Variants in LINGO2 observed in about 807,000 individuals in gnomAD.
LINGO2 encodes leucine-rich repeat and immunoglobulin-like domain-containing nogo receptor-interacting protein 2.
Under a neutral mutation model 30.6 loss-of-function variants are expected in LINGO2, and 14 were observed. The ratio of observed to expected loss-of-function variants is 0.46; its 90% confidence interval spans 0.30 to 0.72. The LOEUF (loss-of-function observed/expected upper bound fraction) is 0.72. Ranked by LOEUF, LINGO2 falls within the 30% of genes least tolerant of loss-of-function variation. The pLI, the probability that LINGO2 is intolerant of heterozygous loss-of-function variation, is 0.07. For missense variants in LINGO2, 729 were observed against 751.7 expected, an observed-to-expected ratio of 0.97 and a Z score of 0.35; for synonymous variants, 317 against 288.5, an observed-to-expected ratio of 1.10 and a Z score of -1.00.
At chr9:28,991,964 G>T in the LINGO2 span, among the ~76,000 whole-genome samples, 1 of 151,936 alleles carries the variant, frequency 6.6e-6, no homozygotes, top group Non-Finnish European at 1.5e-5. Context: ...CAACTAACGA[G>T]CAAAATAACC....
chr9:27,962,023 G>A (rs1819872728), intron 5 of LINGO2, among the ~76,000 whole-genome samples: 1 of 152,152 alleles, frequency 6.6e-6, no homozygotes, highest in South Asian at 2.1e-4. Flanking sequence ...TGCCTGGGCA[G>A]ATTAATGACT....
intron 4 of LINGO2, among the ~76,000 whole-genome samples, chr9:28,202,124 A>G (rs1383506576): frequency 3.3e-5 from 5 of 152,114 alleles, no homozygotes; most frequent in Admixed American, 1.3e-4. Flanking sequence ...CCTTTTTATA[A>G]GAACACCAGT....
At chr9:28,097,096 A>T (rs539896353) in intron 4 of LINGO2, among the ~76,000 whole-genome samples, 1 of 152,276 alleles carries the variant, frequency 6.6e-6, no homozygotes, top group South Asian at 2.1e-4. Flanking sequence ...GCTCACCATC[A>T]CTGGCCATCA....
chr9:28,566,703 G>A (rs1052076527), intron 1 of LINGO2, among the ~76,000 whole-genome samples: 1 of 152,158 alleles, frequency 6.6e-6, no homozygotes, highest in Admixed American at 6.5e-5. Flanking sequence ...AATGAAAGTA[G>A]TTTGTAACAA....
chr9:28,899,102 T>C, the LINGO2 span, among the ~76,000 whole-genome samples: 1 of 152,172 alleles, frequency 6.6e-6, no homozygotes, highest in Non-Finnish European at 1.5e-5. Flanking sequence ...AGTTAAGAGA[T>C]TATAGCATCT....
chr9:28,422,653 T>C (rs1196237840), intron 2 of LINGO2, among the ~76,000 whole-genome samples: 4 of 152,086 alleles, frequency 2.6e-5, no homozygotes, highest in African/African-American at 9.7e-5. Context: ...CCACGTGATC[T>C]AGCAATTCTA....
chr9:28,633,369 C>T (rs920037126), intron 1 of LINGO2, among the ~76,000 whole-genome samples: 8 of 151,866 alleles, frequency 5.3e-5, no homozygotes, highest in Non-Finnish European at 7.4e-5. Context: ...AAGGTGAAAC[C>T]GAGATGCAAG....
intron 4 of LINGO2, among the ~76,000 whole-genome samples, chr9:28,184,155 GAGGGTAAAATAGA>G (rs1170141118): frequency 9.9e-5 from 15 of 152,156 alleles, no homozygotes; most frequent in African/African-American, 2.7e-4. Flanking sequence ...AGGAACACAG[GAGGGTAAAATAGA>G]AGGGGAGGTC....
At chr9:29,189,798 T>C in the LINGO2 span, among the ~76,000 whole-genome samples, 1 of 151,920 alleles carries the variant, frequency 6.6e-6, no homozygotes, top group South Asian at 2.1e-4. Context: ...TCACTCGCGG[T>C]TAGGAGCTGG....
chr9:28,994,935 G>T, the LINGO2 span, among the ~76,000 whole-genome samples: 1 of 151,970 alleles, frequency 6.6e-6, no homozygotes, highest in Non-Finnish European at 1.5e-5. Context: ...AACCTAGACA[G>T]TACCATTCAG....
chr9:28,733,293 G>T, the LINGO2 span, among the ~76,000 whole-genome samples: 964 of 152,026 alleles, frequency 6.3e-3, 24 homozygotes, highest in East Asian at 0.037. Flanking sequence ...TTATCTGGGA[G>T]AAAAAGGTCA....
At chr9:28,033,125 T>C (rs1823763464) in intron 4 of LINGO2, among the ~76,000 whole-genome samples, 1 of 152,226 alleles carries the variant, frequency 6.6e-6, no homozygotes, top group Non-Finnish European at 1.5e-5. Flanking sequence ...TCCCTTTACT[T>C]ACGTTGTTAG....
At chr9:29,092,059 C>G in the LINGO2 span, among the ~76,000 whole-genome samples, 3 of 151,958 alleles carry the variant, frequency 2.0e-5, no homozygotes, top group African/African-American at 7.2e-5. Context: ...TAATGATGAT[C>G]ATACAGATGT....
intron 4 of LINGO2, among the ~76,000 whole-genome samples, chr9:28,216,557 A>T (rs1280602058): frequency 1.3e-5 from 2 of 151,998 alleles, no homozygotes; most frequent in Non-Finnish European, 2.9e-5. Flanking sequence ...CCATCACTAC[A>T]GATAAACTCC....
At chr9:28,811,921 A>T in the LINGO2 span, among the ~76,000 whole-genome samples, 1 of 152,158 alleles carries the variant, frequency 6.6e-6, no homozygotes. Context: ...ATTCACCCCT[A>T]GAACACAATG....
At chr9:28,848,376 TG>T in the LINGO2 span, among the ~76,000 whole-genome samples, 1 of 41,128 alleles carries the variant, frequency 2.4e-5, no homozygotes, top group African/African-American at 1.1e-4. Context: ...TGTGTGTGTG[TG>T]TGTGTGTGTG....
chr9:28,534,737 C>A (rs987816066), intron 1 of LINGO2, among the ~76,000 whole-genome samples: 2 of 151,968 alleles, frequency 1.3e-5, no homozygotes, highest in African/African-American at 2.4e-5. Flanking sequence ...AAACTTAGAA[C>A]AAAGGAATAA....
At chr9:28,037,424 T>C (rs1823990220) in intron 4 of LINGO2, among the ~76,000 whole-genome samples, 4 of 152,204 alleles carry the variant, frequency 2.6e-5, no homozygotes, top group Admixed American at 2.6e-4. Context: ...GTTTTCCTGT[T>C]GGGCTGCTAT....
chr9:28,358,946 T>C (rs1382619351), intron 3 of LINGO2, among the ~76,000 whole-genome samples: 1 of 152,176 alleles, frequency 6.6e-6, no homozygotes. Context: ...GTGTTGAGTC[T>C]GTTCATTCTC....
Sources: gnomAD v4.1 joint callset for allele counts (sites outside exome capture counted in the v4.1 genomes callset) on GRCh38, gnomAD v4.1.1 for gene constraint, MANE v1.5 for transcripts, NCBI Gene and HGNC (gene_info 2026-07-23, HGNC 2026-07-21) for gene names.